The following SPEG variants were observed in gnomAD, a reference collection of about 807,000 sequenced individuals.
The protein encoded by SPEG is striated muscle preferentially expressed protein kinase.
Under a neutral mutation model 300.4 loss-of-function variants are expected in SPEG, and 114 were observed. The ratio of observed to expected loss-of-function variants is 0.38; its 90% CI spans 0.33 to 0.44. The LOEUF is 0.44. SPEG is among the 20% of genes least tolerant of loss of function. The pLI is 1.00. For missense variants in SPEG, 4,201 were observed against 4,586.2 expected, an observed-to-expected ratio of 0.92 and a Z score of 2.43; for synonymous variants, 1,964 against 2,018.9, an observed-to-expected ratio of 0.97 and a Z score of 0.73.
Position 219,442,777 on chromosome 2 carries a change from TCGGGCTGTTGCCCTGGTCC to T in SPEG, c.389-1848_389-1830del, listed in dbSNP as rs200967288. ...TACCTCGTCTTCTATCCTCTTTCTCTCGGGCTGTTGCCCTGGTCCCGGGCTGTTGCCCTGGTCCCGGGCT... is the reference window on the plus strand; with the variant it reads ...TACCTCGTCTTCTATCCTCTTTCTCTCGGGCTGTTGCCCTGGTCCCGGGCT... On this transcript the variant is annotated intron_variant, in intron 1 of 40. Transcript: ENST00000312358. Among the ~76,000 whole-genome samples, 1,404 of 151,038 alleles carry T rather than the reference TCGGGCTGTTGCCCTGGTCC, an allele frequency of 9.3e-3. 12 individuals are homozygous for T. Among genetic ancestry groups the T allele is most frequent in the African/African-American group, 0.019 (778 of 41,120 alleles).
At chr2:219,454,431 G>C (rs939561505) in intron 6 of SPEG, among the ~76,000 whole-genome samples, 10 of 152,136 alleles carry the variant, frequency 6.6e-5, no homozygotes, top group Admixed American at 6.5e-5. Flanking sequence ...ATTCCCCACC[G>C]CTGCCCACAT....
rs550602051 is a variant in SPEG, at chr2:219,487,754, C to T, written c.7742-440C>T. Among the ~76,000 whole-genome samples, 178 of 152,340 alleles carry T rather than the reference C, an allele frequency of 1.2e-3. 1 individual carries two copies. The highest frequency in any genetic ancestry group is 4.0e-3 in the African/African-American group (166 of 41,576). ...TTCCTCATTTGGTCCCATCTCAGCT[C>T]GGGTCACTAACTCATCTCAATTCTC... On this transcript the variant is annotated intron_variant, in intron 31 of 40. Transcript: ENST00000312358.
At chr2:219,483,001 G>T in intron 29 of SPEG, 97 bp from the exon 30 acceptor site, 1 of 1,435,408 alleles carries the variant, frequency 7.0e-7, no homozygotes. Context: ...CTGACCCTCT[G>T]CATGCTCAGG....
Position 219,483,634 on chromosome 2 carries a change from C to T in SPEG, c.6171C>T (p.Gly2057=). ...GAGCCACCCGCCTGGCCCGGGGAGG[C>T]CTGGGTGAGGGCGAGTATGCCCAGA... ...SPGATRLARG[G]LGEGEYAQRL... Residue 2057 remains glycine, a synonymous_variant, in exon 30 of 41, where the codon GGC becomes GGT. Transcript: ENST00000312358. The T allele has an allele frequency of 6.6e-7, 1 of 1,521,518 alleles. No homozygotes were observed. The allele number at this position is 1,521,518 out of a possible 1,614,324, so 94.3% of individuals were successfully genotyped here.
chr2:219,479,977 G>A lies in SPEG; in HGVS notation c.5179G>A (p.Val1727Met), dbSNP rs1488588757. 25 of 1,614,112 alleles carry A rather than the reference G, an allele frequency of 1.5e-5. No individual in the cohort carries two copies. Among genetic ancestry groups the A allele is most frequent in the Non-Finnish European group, 2.1e-5 (25 of 1,180,036 alleles). The change falls in exon 25 of 41, where the codon GTG (valine) becomes ATG (methionine). Residue 1727 changes from valine (V) to methionine (M), a missense_variant. Physicochemically the swap from Val to Met is conservative, Grantham distance 21. Transcript: ENST00000312358. This position sits in a 1 kb window ranked among gnomAD's most constrained non-coding sequence, Gnocchi z 5.5. ...TGTCTTCCAGCCTGAGAACCTGCTG[G>A]TGTGGGATGGTGCTGCGGGCGAGCA... ...HLDVKPENLL[V>M]WDGAAGEQQV...
In SPEG at chr2:219,459,845, G is replaced by A. The variant is rs1690499207; in HGVS notation, c.2441-2037G>A. On this transcript the variant is annotated intron_variant, in intron 6 of 40. Transcript: ENST00000312358. The surrounding 1 kb of genome is among the most constrained non-coding windows in gnomAD (Gnocchi z 4.9). ...TCAAGACAGCCAGCCTGAACCGTGG[G>A]CCCCTCCTCTGCCCGGCCCCCAGCC... is the stretch of plus-strand genomic sequence containing the variant. Among the ~76,000 whole-genome samples the A allele has an allele frequency of 6.6e-6, 1 of 152,166 alleles. No homozygotes were observed. Among genetic ancestry groups the A allele is most frequent in the Non-Finnish European group, 1.5e-5 (1 of 68,026 alleles).
intron 38 of SPEG, among the ~76,000 whole-genome samples, chr2:219,491,394 C>T (rs943882721): frequency 3.3e-5 from 5 of 152,154 alleles, no homozygotes; most frequent in Non-Finnish European, 5.9e-5. Context: ...TTTAGTAAAT[C>T]GCCCAGGGTC....
At chr2:219,455,139 G>A (rs574396550) in intron 6 of SPEG, among the ~76,000 whole-genome samples, 1 of 152,282 alleles carries the variant, frequency 6.6e-6, no homozygotes, top group South Asian at 2.1e-4. Context: ...TGACCAGGTA[G>A]CACTTATTGA....
At position 219,480,395 on chromosome 2, in the gene SPEG, TTC is replaced by T. The variant is rs1692727866; in HGVS notation, c.5342+256_5342+257del. Among the ~76,000 whole-genome samples, 1 of 151,542 alleles carries T rather than the reference TTC, an allele frequency of 6.6e-6. No homozygotes were observed. The highest frequency in any genetic ancestry group is 2.4e-5 in the African/African-American group (1 of 41,312). ...TGGAAGCCGGGCCTTCCCCTCAGCA[TTC>T]AGCCTGCCTCCTCCAGTAAGGCAGG... On this transcript the variant is annotated intron_variant, in intron 25 of 40. Transcript: ENST00000312358. The surrounding 1 kb of genome is among the most constrained non-coding windows in gnomAD (Gnocchi z 5.3).
Position 219,484,943 on chromosome 2 carries a change from G to A in SPEG, c.7480G>A (p.Ala2494Thr). The A allele has an allele frequency of 6.5e-7, 1 of 1,529,586 alleles. No individual in the cohort carries two copies. Among genetic ancestry groups the A allele is most frequent in the African/African-American group, 1.4e-5 (1 of 72,550 alleles). 94.8% of individuals were successfully genotyped at this position (1,529,586 alleles called of 1,614,324 possible). Residue 2494 changes from alanine to threonine, a missense_variant, in exon 30 of 41, where the codon GCC (alanine) becomes ACC (threonine). Ala to Thr is a moderately conservative substitution (Grantham distance 58, BLOSUM62 0). Coordinates refer to ENST00000312358, the MANE Select transcript of SPEG (RefSeq NM_005876.5). ...STPLFGRLRRATSEGESLRRL... is the reference protein window; with the variant it reads ...STPLFGRLRRTTSEGESLRRL... The stretch of plus-strand genomic sequence containing the variant: ...GCCGCTGTTCGGACGGCTTCGCAGG[G>A]CCACGTCCGAGGGCGAGAGTCTGCG...
In SPEG at chr2:219,479,776, T is replaced by G; in HGVS notation, c.5086-7T>G. The G allele has an allele frequency of 6.2e-7, 1 of 1,613,498 alleles. No individual in the cohort carries two copies. Among genetic ancestry groups the G allele is most frequent in the Middle Eastern group, 1.6e-4 (1 of 6,062 alleles). ...CCCCTCAGACTCTGGGCCCACTATT[T>G]CCACAGATCCGGGCCTATATGCGGC... On this transcript the variant is annotated splice_region_variant and splice_polypyrimidine_tract_variant and intron_variant, in intron 23 of 40. Transcript: ENST00000312358. This position sits in a 1 kb window ranked among gnomAD's most constrained non-coding sequence, Gnocchi z 5.5.
chr2:219,491,754 A>G (rs1160885691), intron 38 of SPEG, 40 bp from the exon 39 acceptor site: 3 of 1,580,456 alleles, frequency 1.9e-6, no homozygotes, highest in East Asian at 2.2e-5. Flanking sequence ...CTTCCCTGCC[A>G]CCAGGAAGCT....
Position 219,434,914 on chromosome 2 carries a change from C to T in SPEG, c.-64C>T, listed in dbSNP as rs1954672338. 3.9e-6 allele frequency: 5 copies of T among 1,274,796 alleles called. No individual in the cohort carries two copies. Among genetic ancestry groups the T allele is most frequent in the Non-Finnish European group, 4.2e-6 (4 of 959,104 alleles). 79.0% of individuals were successfully genotyped at this position (1,274,796 alleles called of 1,614,324 possible). A position where few individuals can be genotyped will look rare whatever the true frequency, so the allele number is the denominator to read the frequency against. On this transcript the variant is annotated 5_prime_UTR_variant, in exon 1 of 41. Coordinates refer to ENST00000312358, the MANE Select transcript of SPEG (RefSeq NM_005876.5). ...CCCCCAGACTTGTCTCCTAGGGCAC[C>T]GTCCCGCGGGTGCCCCCGTGGCCGC...
In SPEG at chr2:219,448,306, G is replaced by A. The variant is rs538170642; in HGVS notation, c.1148G>A (p.Arg383His). Residue 383 changes from arginine to histidine, a missense_variant, in exon 4 of 41, where the codon CGC becomes CAC. Physicochemically the swap from Arg to His is conservative, Grantham distance 29 (BLOSUM62 0). Coordinates refer to ENST00000312358, the MANE Select transcript of SPEG (RefSeq NM_005876.5). ...PQTPLSEASGRLSALGRSPRL... is the reference protein window; with the variant it reads ...PQTPLSEASGHLSALGRSPRL... Reference sequence around the variant, plus strand: ...ACGCCACTGAGCGAGGCCTCAGGCCGCCTGTCGGCGTTGGGCCGATCGCCT... The same window carrying A: ...ACGCCACTGAGCGAGGCCTCAGGCCACCTGTCGGCGTTGGGCCGATCGCCT... 3 of 1,607,594 alleles carry A rather than the reference G, an allele frequency of 1.9e-6. No homozygotes were observed. Among genetic ancestry groups the A allele is most frequent in the East Asian group, 2.2e-5 (1 of 44,732 alleles).
At position 219,448,393 on chromosome 2, in the gene SPEG, G is replaced by A. The variant is rs912456168; in HGVS notation, c.1235G>A (p.Arg412His). 7.8e-6 allele frequency: 12 copies of A among 1,540,322 alleles called. No homozygotes were observed. Among genetic ancestry groups the A allele is most frequent in the African/African-American group, 2.8e-5 (2 of 71,532 alleles). ...DKLQFFEERR[R>H]SLERSDSPPA... is the part of the protein sequence containing the mutation. ...CTGCAGTTCTTCGAGGAGCGACGGC[G>A]CAGCCTGGAGCGCAGCGACTCGCCG... is the stretch of plus-strand genomic sequence containing the variant. The change falls in exon 4 of 41, where the codon CGC (arginine) becomes CAC (histidine). Residue 412 changes from arginine to histidine, a missense_variant. Arg to His is a conservative substitution (Grantham distance 29). Transcript: ENST00000312358.
chr2:219,476,653 C>T (rs1692368853), intron 18 of SPEG, among the ~76,000 whole-genome samples: 1 of 149,736 alleles, frequency 6.7e-6, no homozygotes, highest in Non-Finnish European at 1.5e-5. Flanking sequence ...TGGAGAACAT[C>T]ACGTTTGGAT....
rs983649673 is a variant in SPEG at position 219,472,307 on chromosome 2, C to T, written c.3916C>T (p.Pro1306Ser). Residue 1306 changes from proline to serine, a missense_variant, in exon 15 of 41, where the codon CCC becomes TCC. By Grantham distance (74) the Pro-to-Ser change is moderately conservative (BLOSUM62 -1). Around this residue, in one of 4 missense-constraint regions of SPEG, gnomAD observed 1,047 missense variants for 1,356.8 expected, o/e 0.77. Coordinates refer to ENST00000312358, the MANE Select transcript of SPEG (RefSeq NM_005876.5). ...GATGGTCACACTCACATGGAACCCC[C>T]CCAGGAGTCTGGACATGGCCATCGG... Reference protein sequence around the residue: ...GRMVTLTWNPPRSLDMAIDPD... With the variant: ...GRMVTLTWNPSRSLDMAIDPD... 13 of 1,613,654 alleles carry T rather than the reference C, an allele frequency of 8.1e-6. No individual in the cohort carries two copies. The highest frequency in any genetic ancestry group is 1.1e-5 in the Non-Finnish European group (13 of 1,179,986).
chr2:219,490,368 C>T (rs1433715899), intron 36 of SPEG, 41 bp from the exon 37 acceptor site: 1 of 1,588,916 alleles, frequency 6.3e-7, no homozygotes. Context: ...TGTCCCCCTC[C>T]TCTCCTCTGA....
intron 6 of SPEG, among the ~76,000 whole-genome samples, chr2:219,455,590 C>G (rs1012275908): frequency 6.6e-6 from 1 of 152,178 alleles, no homozygotes; most frequent in Non-Finnish European, 1.5e-5. Context: ...AACCCTGTCT[C>G]GGTCTCTCAA....
Sources: gnomAD v4.1 joint callset for allele counts (sites outside exome capture counted in the v4.1 genomes callset) on GRCh38, gnomAD v4.1.1 for gene constraint, gnomAD v4.1.1 regional missense constraint, Gnocchi (gnomAD v3.1) non-coding constraint, MANE v1.5 for transcripts, NCBI Gene and HGNC (gene_info 2026-07-23, HGNC 2026-07-21) for gene names.